The following DLC1 variants were observed in gnomAD, a reference collection of about 807,000 sequenced individuals.
DLC1 encodes rho GTPase-activating protein 7.
In DLC1, 54 loss-of-function variants were observed where a neutral mutation model predicts 140.3. The ratio of observed to expected loss-of-function variants is 0.38; its 90% CI spans 0.31 to 0.48. DLC1 has a LOEUF of 0.48. Ranked by LOEUF, DLC1 falls within the 20% of genes least tolerant of loss-of-function variation. DLC1 has a pLI of 0.96. For missense variants in DLC1, 2,536 were observed against 1,907.0 expected, an observed-to-expected ratio of 1.33 and a Z score of -6.14; for synonymous variants, 986 against 728.1, an observed-to-expected ratio of 1.35 and a Z score of -5.70.
intron 4 of DLC1, among the ~76,000 whole-genome samples, chr8:13,339,232 T>C (rs1765579722): frequency 6.6e-6 from 1 of 152,148 alleles, no homozygotes; most frequent in African/African-American, 2.4e-5. Flanking sequence ...TAAAAACAAC[T>C]ATGCAAGTGA....
At chr8:13,253,076 T>C (rs1428864129) in intron 5 of DLC1, among the ~76,000 whole-genome samples, 4 of 152,148 alleles carry the variant, frequency 2.6e-5, no homozygotes, top group Non-Finnish European at 5.9e-5. Context: ...TCCCCAAAAC[T>C]TGCAATAACA....
intron 1 of DLC1, among the ~76,000 whole-genome samples, chr8:13,537,587 A>T (rs201066574): frequency 6.8e-6 from 1 of 147,028 alleles, no homozygotes; most frequent in African/African-American, 2.5e-5. Flanking sequence ...GTAACTGTTG[A>T]TGACAGTGAT....
At chr8:13,323,304 C>T (rs11988200) in intron 4 of DLC1, among the ~76,000 whole-genome samples, 13,667 of 152,208 alleles carry the variant, frequency 0.09, 668 homozygotes, top group African/African-American at 0.1. Flanking sequence ...AAAACTATGA[C>T]TCAACTAAAA....
chr8:13,496,139 C>T (rs1801488270), intron 2 of DLC1, among the ~76,000 whole-genome samples: 2 of 152,144 alleles, frequency 1.3e-5, no homozygotes. Context: ...TCCCTACAGA[C>T]ATGAAAATGT....
intron 5 of DLC1, chr8:13,132,929 GC>G (rs1822244386): frequency 6.2e-7 from 1 of 1,600,444 alleles, no homozygotes; most frequent in Non-Finnish European, 8.5e-7. Context: ...ACGGCAAGAC[GC>G]AAGTCTAGCT....
intron 5 of DLC1, among the ~76,000 whole-genome samples, chr8:13,147,322 T>C (rs779761928): frequency 7.9e-5 from 12 of 152,232 alleles, no homozygotes; most frequent in Non-Finnish European, 1.5e-4. Flanking sequence ...TAAATTAGTA[T>C]GTGTGGATTT....
At chr8:13,449,676 G>T (rs1030638321) in intron 2 of DLC1, among the ~76,000 whole-genome samples, 3 of 151,908 alleles carry the variant, frequency 2.0e-5, no homozygotes, top group Non-Finnish European at 2.9e-5. Flanking sequence ...GTTGTGGGGT[G>T]GGGGGATGGG....
At chr8:13,141,278 A>AAAAAAAAAAAAAAAAAAAAC (rs1822971652) in intron 5 of DLC1, among the ~76,000 whole-genome samples, 1 of 148,372 alleles carries the variant, frequency 6.7e-6, no homozygotes, top group Non-Finnish European at 1.5e-5. Context: ...AAAAAAAAAA[A>AAAAAAAAAAAAAAAAAAAAC]AAAAAAGCCA....
chr8:13,325,644 A>C (rs1437494879), intron 4 of DLC1, among the ~76,000 whole-genome samples: 1 of 152,196 alleles, frequency 6.6e-6, no homozygotes, highest in African/African-American at 2.4e-5. Flanking sequence ...CAACCTCTGA[A>C]AACATGTGGA....
chr8:13,394,270 C>T (rs1003577220), intron 3 of DLC1, among the ~76,000 whole-genome samples: 1 of 152,204 alleles, frequency 6.6e-6, no homozygotes, highest in East Asian at 1.9e-4. Context: ...TCATTCAATT[C>T]CCTTGTTTGA....
intron 2 of DLC1, among the ~76,000 whole-genome samples, chr8:13,453,428 A>ATATATATACATATATATGTGTG (rs1799194992): frequency 3.2e-5 from 1 of 30,944 alleles, no homozygotes; most frequent in South Asian, 1.0e-3. Context: ...ATATATGTGT[A>ATATATATACATATATATGTGTG]TATATATATG....
intron 2 of DLC1, among the ~76,000 whole-genome samples, chr8:13,456,623 T>C (rs1230276916): frequency 2.0e-5 from 3 of 152,030 alleles, no homozygotes; most frequent in Non-Finnish European, 4.4e-5. Context: ...TATGCCTGGG[T>C]AATTTTTGTA....
intron 5 of DLC1, among the ~76,000 whole-genome samples, chr8:13,136,579 A>C (rs139898130): frequency 1.2e-4 from 19 of 152,330 alleles, no homozygotes; most frequent in African/African-American, 4.1e-4. Context: ...GAAATCTCAG[A>C]TCACTGCAGC....
chr8:13,417,864 C>T (rs913192611), intron 2 of DLC1, among the ~76,000 whole-genome samples: 4 of 152,170 alleles, frequency 2.6e-5, no homozygotes, highest in African/African-American at 9.7e-5. Flanking sequence ...ACATCCTCTC[C>T]AGCACCTGTT....
intron 4 of DLC1, among the ~76,000 whole-genome samples, chr8:13,315,937 T>C (rs948446182): frequency 2.6e-5 from 4 of 152,250 alleles, no homozygotes; most frequent in Admixed American, 2.0e-4. Context: ...TCTAGTATTA[T>C]ATGAGATGCA....
At chr8:13,160,175 G>C (rs1414316138) in intron 5 of DLC1, 3 of 152,232 alleles carry the variant, frequency 2.0e-5, no homozygotes, top group Non-Finnish European at 4.4e-5. Context: ...AGGTGAGTAG[G>C]GGGGCTGGTC....
At chr8:13,375,290 G>A (rs1034457341) in intron 4 of DLC1, among the ~76,000 whole-genome samples, 18 of 152,164 alleles carry the variant, frequency 1.2e-4, no homozygotes, top group Non-Finnish European at 1.3e-4. Flanking sequence ...GCCTCCCAAA[G>A]TGCTGGGATT....
At chr8:13,090,729 G>C (rs1283804645) in intron 14 of DLC1, among the ~76,000 whole-genome samples, 1 of 152,094 alleles carries the variant, frequency 6.6e-6, no homozygotes, top group Non-Finnish European at 1.5e-5. Flanking sequence ...AATTACATTG[G>C]TCAAAGCAGG....
chr8:13,198,811 G>T (rs566667923), intron 5 of DLC1, among the ~76,000 whole-genome samples: 1 of 151,670 alleles, frequency 6.6e-6, no homozygotes, highest in Non-Finnish European at 1.5e-5. Flanking sequence ...CTACCTCCTG[G>T]GTTCAAGCGA....
Sources: gnomAD v4.1 joint callset for allele counts (sites outside exome capture counted in the v4.1 genomes callset) on GRCh38, gnomAD v4.1.1 for gene constraint, MANE v1.5 for transcripts, NCBI Gene and HGNC (gene_info 2026-07-23, HGNC 2026-07-21) for gene names.